The following ACO2 variants were observed in gnomAD, a reference collection of about 807,000 sequenced individuals.
ACO2 encodes aconitate hydratase, mitochondrial.
ACO2 carries 31 observed loss-of-function variants against 84.5 expected under a neutral mutation model. The observed-to-expected ratio is 0.37, with a 90% CI of 0.28 to 0.50. The LOEUF (loss-of-function observed/expected upper bound fraction) is 0.50, where lower values mean the gene tolerates loss of function less well. Among genes scored for constraint, ACO2 ranks in the 20% least tolerant of loss-of-function variants. ACO2 has a pLI of 0.97. For synonymous variants in ACO2, 414 were observed against 412.7 expected (o/e 1.00, Z -0.04); for missense variants, 685 against 1,029.3 (o/e 0.67, Z 4.58).
rs374100179 is a variant in ACO2 at position 41,527,888 on chromosome 22, G to A, written c.2087-13G>A. ...GTCAGGCCCCCGATGACCGAATGCC[G>A]CCTGCTTTCCAGAGACCAACCTGAA... is the stretch of plus-strand genomic sequence containing the variant. On this transcript the variant is annotated splice_polypyrimidine_tract_variant and intron_variant, in intron 16 of 17. Coordinates refer to ENST00000216254, the MANE Select transcript of ACO2 (RefSeq NM_001098.3). 3.1e-4 allele frequency: 504 copies of A among 1,613,934 alleles called. 1 individual carries two copies. Among genetic ancestry groups the A allele is most frequent in the Non-Finnish European group, 3.8e-4 (450 of 1,180,022 alleles).
At chr22:41,489,817 C>A (rs1448486617) in intron 1 of ACO2, among the ~76,000 whole-genome samples, 2 of 150,786 alleles carry the variant, frequency 1.3e-5, no homozygotes, top group Non-Finnish European at 3.0e-5. Context: ...TTTTTTTTTC[C>A]TTTTCCTTCA....
chr22:41,477,307 C>G (rs1469175799), intron 1 of ACO2, among the ~76,000 whole-genome samples: 1 of 151,556 alleles, frequency 6.6e-6, no homozygotes, highest in African/African-American at 2.4e-5. Context: ...GCACCCGCCA[C>G]CACGCCCAGC....
Position 41,497,087 on chromosome 22 carries a change from G to A in ACO2, c.37-2639G>A, listed in dbSNP as rs546924562. On this transcript the variant is annotated intron_variant, in intron 1 of 17. Transcript: ENST00000216254. ...TCATTTCTTTTTTCTTTTTTTTTTC[G>A]AGACGGAGTTTCGCTCTGTCACCCA... is the stretch of plus-strand genomic sequence containing the variant. Among the ~76,000 whole-genome samples the A allele has an allele frequency of 2.7e-5, 4 of 148,476 alleles. No individual in the cohort carries two copies. In the East Asian group the frequency reaches 5.9e-4, roughly 22 times the overall value.
chr22:41,526,490 C>T, intron 15 of ACO2, 37 bp downstream of exon 15: 1 of 1,584,174 alleles, frequency 6.3e-7, no homozygotes, highest in Non-Finnish European at 8.6e-7. Flanking sequence ...CCAGTGGTCA[C>T]TCCTGAAGGG....
rs772704469 is a variant in ACO2 at position 41,522,982 on chromosome 22, G to A, written c.1291G>A (p.Gly431Ser). The change falls in exon 10 of 18, where the codon GGC (glycine) becomes AGC (serine). Residue 431 changes from glycine to serine, a missense_variant. Gly to Ser is a moderately conservative substitution (Grantham distance 56, BLOSUM62 0). Around this residue, in one of 5 missense-constraint regions of ACO2, gnomAD observed 311 missense variants for 441.6 expected, o/e 0.70. Coordinates refer to ENST00000216254, the MANE Select transcript of ACO2 (RefSeq NM_001098.3). The stretch of plus-strand genomic sequence containing the variant: ...GATCCGCGCCACCATTGAGCGGGAC[G>A]GCTATGTGAGTGCCCATATCCCCCT... ...EQIRATIERD[G>S]YAQILRDLGG... 82 of 1,613,996 alleles carry A rather than the reference G, an allele frequency of 5.1e-5. No homozygotes were observed. Among genetic ancestry groups the A allele is most frequent in the Middle Eastern group, 1.6e-4 (1 of 6,084 alleles).
At chr22:41,487,786 T>C (rs1018265341) in intron 1 of ACO2, among the ~76,000 whole-genome samples, 3 of 151,984 alleles carry the variant, frequency 2.0e-5, no homozygotes, top group Non-Finnish European at 4.4e-5. Context: ...TATCAGATAG[T>C]CCAATGTCCA....
chr22:41,502,591 G>A (rs1478637715), intron 2 of ACO2, among the ~76,000 whole-genome samples: 1 of 152,124 alleles, frequency 6.6e-6, no homozygotes, highest in Non-Finnish European at 1.5e-5. Context: ...CTGTCATAGA[G>A]ATTTGTTTTG....
Position 41,528,123 on chromosome 22 carries a change from T to G in ACO2, c.2208+101T>G. ...GGTAGCTTCTCCCAGGAGGCTTCAT[T>G]CCAGCTGGAAAGGCCCCCAGTTCTC... On this transcript the variant is annotated intron_variant, in intron 17 of 17. Transcript: ENST00000216254. 13 of 1,538,890 alleles carry G rather than the reference T, an allele frequency of 8.4e-6. 1 individual carries two copies. The South Asian group carries it at 1.4e-4, about 17-fold the overall frequency.
rs773315234 is a variant in ACO2 at position 41,511,906 on chromosome 22, G to A, written c.463G>A (p.Ala155Thr). 6.2e-7 allele frequency: 1 copy of A among 1,610,674 alleles called. No homozygotes were observed. The highest frequency in any genetic ancestry group is 8.5e-7 in the Non-Finnish European group (1 of 1,178,772). Residue 155 changes from alanine (A) to threonine (T), a missense_variant, in exon 4 of 18, where the codon GCA (alanine) becomes ACA (threonine). Physicochemically the swap from Ala to Thr is moderately conservative, Grantham distance 58. Coordinates refer to ENST00000216254, the MANE Select transcript of ACO2 (RefSeq NM_001098.3). The stretch of plus-strand genomic sequence containing the variant: ...CAACCAGGAAGTTTATAATTTCCTG[G>A]CAACTGCAGGTGCCAAATATGGCGT... Reference protein sequence around the residue: ...DINQEVYNFLATAGAKYGVGF... With the variant: ...DINQEVYNFLTTAGAKYGVGF...
At chr22:41,501,655 C>T (rs930478951) in intron 2 of ACO2, among the ~76,000 whole-genome samples, 1 of 152,130 alleles carries the variant, frequency 6.6e-6, no homozygotes, top group African/African-American at 2.4e-5. Flanking sequence ...TGAGTCTACC[C>T]GCTGGGTAGC....
At position 41,523,850 on chromosome 22, in the gene ACO2, A is replaced by T. The variant is rs2066549169; in HGVS notation, c.1391A>T (p.Glu464Val). 6.2e-7 allele frequency: 1 copy of T among 1,612,030 alleles called. No homozygotes were observed. Among genetic ancestry groups the T allele is most frequent in the African/African-American group, 1.3e-5 (1 of 74,948 alleles). The change falls in exon 12 of 18, where the codon GAG becomes GTG. Residue 464 changes from glutamate to valine, a missense_variant. Physicochemically the swap from Glu to Val is moderately radical, Grantham distance 121 (BLOSUM62 -2). Around this residue, in one of 5 missense-constraint regions of ACO2, gnomAD observed 311 missense variants for 441.6 expected, o/e 0.70. Transcript: ENST00000216254. ...GGCAGGAAGGACATCAAGAAGGGGGAGAAGAACACAATCGTCACCTCCTAC... is the reference window on the plus strand; with the variant it reads ...GGCAGGAAGGACATCAAGAAGGGGGTGAAGAACACAATCGTCACCTCCTAC... ...QWDRKDIKKG[E>V]KNTIVTSYNR...
intron 2 of ACO2, among the ~76,000 whole-genome samples, chr22:41,506,427 G>T (rs967622212): frequency 4.6e-5 from 7 of 151,992 alleles, no homozygotes; most frequent in Non-Finnish European, 1.0e-4. Flanking sequence ...TAATTTTTTT[G>T]TATTTTTAGT....
At chr22:41,491,502 G>C (rs2066271041) in intron 1 of ACO2, among the ~76,000 whole-genome samples, 1 of 152,198 alleles carries the variant, frequency 6.6e-6, no homozygotes, top group African/African-American at 2.4e-5. Context: ...TACATCAGAA[G>C]GGGGTCAGGA....
chr22:41,523,803 C>T, intron 11 of ACO2, 27 bp from the exon 12 acceptor site: 1 of 1,599,040 alleles, frequency 6.3e-7, no homozygotes, highest in Non-Finnish European at 8.6e-7. Context: ...CCAGATATCC[C>T]TAACCCTGAT....
chr22:41,523,089 T>A (rs1315593423), intron 10 of ACO2, 102 bp downstream of exon 10: 8 of 1,551,548 alleles, frequency 5.2e-6, no homozygotes, highest in Non-Finnish European at 7.0e-6. Flanking sequence ...CTGGGGCAGG[T>A]CCCAGTGGCT....
At chr22:41,523,167 C>A in intron 10 of ACO2, 38 bp from the exon 11 acceptor site, 1 of 1,587,172 alleles carries the variant, frequency 6.3e-7, no homozygotes, top group South Asian at 1.1e-5. Flanking sequence ...CAGACTCTCA[C>A]CCACCCTTGA....
chr22:41,512,812 C>G (rs2066444443), intron 4 of ACO2, among the ~76,000 whole-genome samples: 1 of 152,166 alleles, frequency 6.6e-6, no homozygotes, highest in Non-Finnish European at 1.5e-5. Flanking sequence ...GGGTGCTTCC[C>G]TTTCTTCCAA....
At chr22:41,498,497 G>A (rs1569009334) in intron 1 of ACO2, among the ~76,000 whole-genome samples, 1 of 152,190 alleles carries the variant, frequency 6.6e-6, no homozygotes, top group Non-Finnish European at 1.5e-5. Context: ...TCCAGAAGTT[G>A]CAGTGAAGAT....
intron 3 of ACO2, among the ~76,000 whole-genome samples, chr22:41,510,952 C>G (rs1175632007): frequency 6.6e-6 from 1 of 152,206 alleles, no homozygotes; most frequent in African/African-American, 2.4e-5. Context: ...GGGGCTCTCT[C>G]AGGTGTCGTC....
Sources: gnomAD v4.1 joint callset for allele counts (sites outside exome capture counted in the v4.1 genomes callset) on GRCh38, gnomAD v4.1.1 for gene constraint, gnomAD v4.1.1 regional missense constraint, MANE v1.5 for transcripts, NCBI Gene and HGNC (gene_info 2026-07-23, HGNC 2026-07-21) for gene names.